The following CYB5B variants were observed in gnomAD, a reference collection of about 807,000 sequenced individuals.
CYB5B encodes the protein cytochrome b5 type B (outer mitochondrial membrane).
A neutral mutation model predicts 21.3 loss-of-function variants in CYB5B; 14 were observed. That is an observed-to-expected ratio of 0.66 (90% CI 0.43 to 1.03). The LOEUF is 1.03. CYB5B is among the 50% of genes least tolerant of loss of function. CYB5B has a pLI of 0.00. For missense variants in CYB5B, 166 were observed against 185.1 expected (o/e 0.90, Z 0.60); for synonymous variants, 69 against 68.4 (o/e 1.01, Z -0.04).
At position 69,465,056 on chromosome 16, in the gene CYB5B, A is replaced by G. The variant is rs1236303267; in HGVS notation, c.*2536A>G. The G allele has an allele frequency of 6.6e-6, 1 of 152,240 alleles. No individual in the cohort carries two copies. The highest frequency in any genetic ancestry group is 1.5e-5 in the Non-Finnish European group (1 of 68,066). 9.4% of individuals were successfully genotyped at this position (152,240 alleles called of 1,614,324 possible). On this transcript the variant is annotated 3_prime_UTR_variant, in exon 5 of 5. Coordinates refer to ENST00000307892, the MANE Select transcript of CYB5B (RefSeq NM_030579.3). ...AAAGGACCTTTTTTTTAGGAAGTAG[A>G]CTTGAATTCACAAAACAGTCTTGAC...
intron 4 of CYB5B, among the ~76,000 whole-genome samples, chr16:69,460,758 C>T (rs555927872): frequency 6.6e-5 from 10 of 152,196 alleles, no homozygotes; most frequent in African/African-American, 2.2e-4. Context: ...ATTCAAACAT[C>T]AGAGACAACC....
At chr16:69,442,194 G>A (rs1253479145) in intron 1 of CYB5B, among the ~76,000 whole-genome samples, 1 of 152,102 alleles carries the variant, frequency 6.6e-6, no homozygotes, top group African/African-American at 2.4e-5. Context: ...ATAATAATTA[G>A]TTATAATTAA....
chr16:69,441,237 TCCGCCTC>T (rs1436922158), intron 1 of CYB5B, among the ~76,000 whole-genome samples: 1 of 146,896 alleles, frequency 6.8e-6, no homozygotes, highest in Non-Finnish European at 1.5e-5. Context: ...CACTGCAACC[TCCGCCTC>T]CCGCGTTCAA....
intron 1 of CYB5B, among the ~76,000 whole-genome samples, chr16:69,425,370 T>C (rs370334855): frequency 6.6e-6 from 1 of 151,610 alleles, no homozygotes; most frequent in Non-Finnish European, 1.5e-5. Flanking sequence ...TTTTTCCCCC[T>C]AATCTGAGTT....
At chr16:69,436,348 G>T (rs2142812792) in intron 1 of CYB5B, among the ~76,000 whole-genome samples, 1 of 152,358 alleles carries the variant, frequency 6.6e-6, no homozygotes, top group Non-Finnish European at 1.5e-5. Flanking sequence ...AATCAGTGCA[G>T]TGGGACCCCG....
intron 1 of CYB5B, among the ~76,000 whole-genome samples, chr16:69,437,317 A>G (rs2142813358): frequency 6.6e-6 from 1 of 152,328 alleles, no homozygotes; most frequent in South Asian, 2.1e-4. Context: ...AAGGCTATTC[A>G]GGTTGGAAGA....
At chr16:69,425,016 AG>A (rs1469276705) in intron 1 of CYB5B, among the ~76,000 whole-genome samples, 159 bp downstream of exon 1, 1 of 151,588 alleles carries the variant, frequency 6.6e-6, no homozygotes, top group Non-Finnish European at 1.5e-5. Flanking sequence ...GGATTGGGGG[AG>A]GGCTTTAGTT....
chr16:69,447,521 T>C lies in CYB5B; in HGVS notation c.303+243T>C, dbSNP rs907833031. Among the ~76,000 whole-genome samples, 4 of 151,826 alleles carry C rather than the reference T, an allele frequency of 2.6e-5. No homozygotes were observed. The South Asian group carries it at 8.3e-4, about 31-fold the overall frequency. On this transcript the variant is annotated intron_variant, in intron 2 of 4. Coordinates refer to ENST00000307892, the MANE Select transcript of CYB5B (RefSeq NM_030579.3). ...AGCTGGGTGTGGTGGCGCACACTTG[T>C]AATTCCAGCTCCTCAGGAGGCTGAG... is the stretch of plus-strand genomic sequence containing the variant.
chr16:69,435,262 ATGGC>A (rs1235651823), intron 1 of CYB5B, among the ~76,000 whole-genome samples: 1 of 152,236 alleles, frequency 6.6e-6, no homozygotes, highest in Non-Finnish European at 1.5e-5. Flanking sequence ...TAGACTTATT[ATGGC>A]ATACTACCTG....
chr16:69,436,809 T>G (rs1431965524), intron 1 of CYB5B, among the ~76,000 whole-genome samples: 1 of 152,208 alleles, frequency 6.6e-6, no homozygotes, highest in Non-Finnish European at 1.5e-5. Flanking sequence ...AGATAATTTG[T>G]GTAATTTTTT....
At position 69,448,157 on chromosome 16, in the gene CYB5B, C is replaced by G. The variant is rs770032932; in HGVS notation, c.333+13C>G. On this transcript the variant is annotated intron_variant, in intron 3 of 4. Coordinates refer to ENST00000307892, the MANE Select transcript of CYB5B (RefSeq NM_030579.3). ...AAGTGGTAGCAAGGTAAGAAGTCAG[C>G]GGTTTGTCTTGTGTTTATATTTGTG... is the stretch of plus-strand genomic sequence containing the variant. The G allele has an allele frequency of 6.2e-7, 1 of 1,612,798 alleles. No homozygotes were observed. The highest frequency in any genetic ancestry group is 1.3e-5 in the African/African-American group (1 of 74,922).
At chr16:69,442,693 A>AT (rs1197708510) in intron 1 of CYB5B, among the ~76,000 whole-genome samples, 1 of 151,756 alleles carries the variant, frequency 6.6e-6, no homozygotes, top group African/African-American at 2.4e-5. Flanking sequence ...AATTTTTAAA[A>AT]TTTTTTTTGT....
intron 4 of CYB5B, chr16:69,459,433 T>A: frequency 3.9e-6 from 1 of 259,570 alleles, no homozygotes; most frequent in Non-Finnish European, 7.2e-6. Context: ...CAGCCTTTAG[T>A]CCCGAAGTTC....
rs2015053731 is a variant in CYB5B at position 69,463,242 on chromosome 16, C to T, written c.*722C>T. ...GTGTGGCCACCTCCTCCCTTTCAAG[C>T]TAGGGCAGCAGGTAGCTCTTCCCAG... On this transcript the variant is annotated 3_prime_UTR_variant, in exon 5 of 5. Coordinates refer to ENST00000307892, the MANE Select transcript of CYB5B (RefSeq NM_030579.3). 1 of 152,146 alleles carries T rather than the reference C, an allele frequency of 6.6e-6. No individual in the cohort carries two copies. The highest frequency in any genetic ancestry group is 6.5e-5 in the Admixed American group (1 of 15,270). 9.4% of individuals were successfully genotyped at this position (152,146 alleles called of 1,614,324 possible). A position where few individuals can be genotyped will look rare whatever the true frequency, so the allele number is the denominator to read the frequency against.
Position 69,447,308 on chromosome 16 carries a change from T to G in CYB5B, c.303+30T>G, listed in dbSNP as rs543345769. The G allele has an allele frequency of 3.3e-5, 53 of 1,607,042 alleles. 1 individual carries two copies. The South Asian group carries it at 5.1e-4, about 15-fold the overall frequency. On this transcript the variant is annotated intron_variant, in intron 2 of 4. Transcript: ENST00000307892. ...GAACTATCAGAGATGGGAGCCCTTATGCAGAGAAAACTACTTAACAGCTGC... is the reference window on the plus strand; with the variant it reads ...GAACTATCAGAGATGGGAGCCCTTAGGCAGAGAAAACTACTTAACAGCTGC...
Position 69,466,021 on chromosome 16 carries a change from C to T in CYB5B, c.*3501C>T, listed in dbSNP as rs377129224. On this transcript the variant is annotated 3_prime_UTR_variant, in exon 5 of 5. Transcript: ENST00000307892. ...AGCTTCAGTAGCTGCTCTTTGCCCA[C>T]GCTTGTATCCTACGTTTGCTATTTG... is the stretch of plus-strand genomic sequence containing the variant. 1.1e-4 allele frequency: 17 copies of T among 152,604 alleles called. No individual in the cohort carries two copies. Among genetic ancestry groups the T allele is most frequent in the Admixed American group, 5.9e-4 (9 of 15,284 alleles). The allele number at this position is 152,604 out of a possible 1,614,324, so 9.5% of individuals were successfully genotyped here.
Position 69,424,691 on chromosome 16 carries a change from G to T in CYB5B, c.8G>T (p.Gly3Val). The change falls in exon 1 of 5, where the codon GGT (glycine) becomes GTT (valine). Residue 3 changes from glycine to valine, a missense_variant. Gly to Val is a moderately radical substitution (Grantham distance 109, BLOSUM62 -3). Transcript: ENST00000307892. ...TAGCGGTGGAGAGGCAGTATGTCCGGTTCAATGGCGACTGCGGAAGCTAGC... is the reference window on the plus strand; with the variant it reads ...TAGCGGTGGAGAGGCAGTATGTCCGTTTCAATGGCGACTGCGGAAGCTAGC... MS[G>V]SMATAEASGS... 1 of 1,584,624 alleles carries T rather than the reference G, an allele frequency of 6.3e-7. No homozygotes were observed. Among genetic ancestry groups the T allele is most frequent in the Non-Finnish European group, 8.6e-7 (1 of 1,164,840 alleles).
chr16:69,438,416 G>T (rs1037410458), intron 1 of CYB5B, among the ~76,000 whole-genome samples: 1 of 152,132 alleles, frequency 6.6e-6, no homozygotes, highest in Non-Finnish European at 1.5e-5. Flanking sequence ...ATCTAACAGT[G>T]GAATTGTTGG....
chr16:69,428,487 C>G (rs548417242), intron 1 of CYB5B, among the ~76,000 whole-genome samples: 70 of 152,176 alleles, frequency 4.6e-4, no homozygotes, highest in African/African-American at 1.6e-3. Context: ...GAAACCCCAT[C>G]TCTACTAAAA....
Sources: gnomAD v4.1 joint callset for allele counts (sites outside exome capture counted in the v4.1 genomes callset) on GRCh38, gnomAD v4.1.1 for gene constraint, MANE v1.5 for transcripts, NCBI Gene and HGNC (gene_info 2026-07-23, HGNC 2026-07-21) for gene names.